Variants in PCDH7 observed in about 807,000 individuals in gnomAD.
PCDH7 encodes protocadherin-7.
In PCDH7, 17 loss-of-function variants were observed where a neutral mutation model predicts 58.9. The observed-to-expected ratio is 0.29, with a 90% CI of 0.20 to 0.43. PCDH7 has a LOEUF of 0.43. Ranked by LOEUF, PCDH7 falls within the 20% of genes least tolerant of loss-of-function variation. The probability of loss-of-function intolerance (pLI) is 1.00; values close to 1 mark genes in which losing one functional copy is unlikely to be tolerated. For missense variants in PCDH7, 1,274 were observed against 1,441.0 expected, an observed-to-expected ratio of 0.88 and a Z score of 1.88; for synonymous variants, 664 against 616.4, an observed-to-expected ratio of 1.08 and a Z score of -1.14.
In PCDH7 at chr4:30,722,004, G is replaced by A. The variant is rs1301651350; in HGVS notation, c.582G>A (p.Glu194=). 2 of 1,273,926 alleles carry A rather than the reference G, an allele frequency of 1.6e-6. No homozygotes were observed. The highest frequency in any genetic ancestry group is 2.0e-6 in the Non-Finnish European group (2 of 1,013,242). The allele number at this position is 1,273,926 out of a possible 1,614,324, so 78.9% of individuals were successfully genotyped here. Residue 194 remains glutamate (E), a synonymous_variant, in exon 1 of 2, where the codon GAG becomes GAA. Coordinates refer to ENST00000361762, the Ensembl canonical transcript of PCDH7. This position sits in a 1 kb window ranked among gnomAD's most constrained non-coding sequence, Gnocchi z 7.6. ...CCGGAGGCGGCGGCAGCGGCGGCGA[G>A]AGCCGGCGCGCCGGGGCGGCCGACA...
At chr4:30,930,934 G>T (rs944640433) in intron 2 of PCDH7, among the ~76,000 whole-genome samples, 2 of 151,870 alleles carry the variant, frequency 1.3e-5, no homozygotes, top group African/African-American at 2.4e-5. Context: ...CTGAGACCCT[G>T]TCTCTAAAAA....
chr4:30,785,508 TAGA>T (rs1304499862), intron 1 of PCDH7, among the ~76,000 whole-genome samples: 2 of 152,108 alleles, frequency 1.3e-5, no homozygotes, highest in African/African-American at 2.4e-5. Flanking sequence ...TTTTTATTTC[TAGA>T]AGAAGACACC....
intron 1 of PCDH7, among the ~76,000 whole-genome samples, chr4:30,812,072 T>C (rs1354105897): frequency 6.6e-6 from 1 of 152,204 alleles, no homozygotes; most frequent in Non-Finnish European, 1.5e-5. Context: ...TGAAGAAATA[T>C]TTCTATTCCA....
chr4:30,721,374 C>A lies in PCDH7; in HGVS notation c.-49C>A, dbSNP rs973105071. 7.0e-7 allele frequency: 1 copy of A among 1,427,326 alleles called. No homozygotes were observed. The highest frequency in any genetic ancestry group is 9.2e-7 in the Non-Finnish European group (1 of 1,091,532). 88.4% of individuals were successfully genotyped at this position (1,427,326 alleles called of 1,614,324 possible). On this transcript the variant is annotated 5_prime_UTR_variant, in exon 1 of 2. Coordinates refer to ENST00000361762, the Ensembl canonical transcript of PCDH7. The surrounding 1 kb of genome is among the most constrained non-coding windows in gnomAD (Gnocchi z 6.7). ...CGGCCGGCCCCGGAGGAGGGGGGCG[C>A]CGAGGGGGCTGTGGTTAGAAGGAGC...
intron 1 of PCDH7, among the ~76,000 whole-genome samples, chr4:30,817,565 T>C (rs1406559198): frequency 1.3e-5 from 2 of 152,152 alleles, no homozygotes; most frequent in African/African-American, 4.8e-5. Context: ...CATTAGAGAC[T>C]TATGTAATTT....
At chr4:30,874,294 C>T (rs1446164247) in intron 1 of PCDH7, among the ~76,000 whole-genome samples, 4 of 151,930 alleles carry the variant, frequency 2.6e-5, no homozygotes, top group Non-Finnish European at 5.9e-5. Context: ...TGGAACCAAC[C>T]CAAACGTCCA....
At chr4:31,130,254 G>C (rs776219849) in intron 3 of PCDH7, among the ~76,000 whole-genome samples, 1 of 151,934 alleles carries the variant, frequency 6.6e-6, no homozygotes, top group Non-Finnish European at 1.5e-5. Context: ...AAGGTGAGCT[G>C]TTTGTACTTT....
chr4:30,818,231 C>T (rs1727941432), intron 1 of PCDH7, among the ~76,000 whole-genome samples: 1 of 152,118 alleles, frequency 6.6e-6, no homozygotes, highest in African/African-American at 2.4e-5. Context: ...CCCCTTAACC[C>T]AGCTTGGGAT....
intron 1 of PCDH7, among the ~76,000 whole-genome samples, chr4:30,912,204 TAAAAAGTTTA>T (rs1741868595): frequency 6.6e-6 from 1 of 152,092 alleles, no homozygotes; most frequent in Admixed American, 6.6e-5. Context: ...AAAACACCCC[TAAAAAGTTTA>T]AAGGCCTAAC....
rs752659242 is a variant in PCDH7, at chr4:30,730,774, A to T, written c.3196A>T (p.Thr1066Ser). 1.9e-6 allele frequency: 3 copies of T among 1,607,180 alleles called. No individual in the cohort carries two copies. The East Asian group carries it at 6.7e-5, about 36-fold the overall frequency. ...TCAGATGCGTCTACATCCATACATT[A>T]CTGTGTTTGGCTGAATTCCACTCTA... The change falls in exon 2 of 2, where the codon ACT becomes TCT. Residue 1066 changes from threonine (T) to serine (S), a missense_variant. Around this residue, in one of 3 missense-constraint regions of PCDH7, gnomAD observed 731 missense variants for 881.9 expected, o/e 0.83. Transcript: ENST00000361762.
intron 3 of PCDH7, among the ~76,000 whole-genome samples, chr4:31,031,040 C>T (rs147223269): frequency 8.6e-5 from 13 of 151,940 alleles, no homozygotes; most frequent in African/African-American, 2.9e-4. Context: ...CACAAAAGTA[C>T]GTGTAATATA....
At chr4:30,760,092 A>T (rs1373609645) in intron 1 of PCDH7, among the ~76,000 whole-genome samples, 1 of 152,170 alleles carries the variant, frequency 6.6e-6, no homozygotes, top group African/African-American at 2.4e-5. Context: ...TACGGTAGTT[A>T]AGCTTCAAGT....
rs543114726 is a variant in PCDH7 at position 30,828,246 on chromosome 4, G to A, written c.71-91907G>A. ...CTCAACAAAAATTACCCTTAGTAAA[G>A]GAAAAAAAAATATGTTGAAAGCAGA... On this transcript the variant is annotated intron_variant, in intron 1 of 3. Transcript: ENST00000509759. Among the ~76,000 whole-genome samples the A allele has an allele frequency of 5.1e-4, 71 of 139,582 alleles. 2 individuals carry two copies. The South Asian group carries it at 0.016, about 31-fold the overall frequency. The allele number at this position is 139,582 out of a possible 152,430, so 91.6% of individuals were successfully genotyped here.
chr4:30,947,751 G>A (rs982931722), intron 2 of PCDH7, among the ~76,000 whole-genome samples: 2 of 152,030 alleles, frequency 1.3e-5, no homozygotes, highest in Admixed American at 6.6e-5. Flanking sequence ...TAATATAATA[G>A]TGCTATCTGT....
At chr4:31,134,508 A>G (rs1366310529) in intron 3 of PCDH7, among the ~76,000 whole-genome samples, 1 of 152,170 alleles carries the variant, frequency 6.6e-6, no homozygotes, top group Non-Finnish European at 1.5e-5. Context: ...TATTGTTGTT[A>G]GATCCTGGGT....
intron 3 of PCDH7, among the ~76,000 whole-genome samples, chr4:30,979,634 A>T (rs1026073724): frequency 6.6e-6 from 1 of 151,752 alleles, no homozygotes; most frequent in African/African-American, 2.4e-5. Context: ...ATGCACTATC[A>T]TATGATCTTG....
intron 3 of PCDH7, among the ~76,000 whole-genome samples, chr4:31,097,974 T>A (rs1333516534): frequency 6.6e-6 from 1 of 152,132 alleles, no homozygotes; most frequent in East Asian, 1.9e-4. Flanking sequence ...TCTAAATGAA[T>A]GATTTTTTAG....
intron 1 of PCDH7, among the ~76,000 whole-genome samples, chr4:30,758,219 C>T (rs1260033039): frequency 1.3e-5 from 2 of 152,068 alleles, no homozygotes; most frequent in Non-Finnish European, 2.9e-5. Flanking sequence ...CATCTCACCA[C>T]ACAGAGAGAA....
At chr4:30,905,478 A>C (rs1291409571) in intron 1 of PCDH7, among the ~76,000 whole-genome samples, 2 of 151,658 alleles carry the variant, frequency 1.3e-5, no homozygotes, top group Non-Finnish European at 2.9e-5. Context: ...AACAAAAAAA[A>C]ACCACAAAAA....
Sources: gnomAD v4.1 joint callset for allele counts (sites outside exome capture counted in the v4.1 genomes callset) on GRCh38, gnomAD v4.1.1 for gene constraint, gnomAD v4.1.1 regional missense constraint, Gnocchi (gnomAD v3.1) non-coding constraint, MANE v1.5 for transcripts, NCBI Gene and HGNC (gene_info 2026-07-23, HGNC 2026-07-21) for gene names.